Variants in ADGRL3 observed in about 807,000 individuals in gnomAD.
ADGRL3 encodes the protein adhesion G protein-coupled receptor L3.
In ADGRL3, 62 loss-of-function variants were observed where a neutral mutation model predicts 153.5. The observed-to-expected ratio is 0.40, with a 90% confidence interval of 0.33 to 0.50. The LOEUF (loss-of-function observed/expected upper bound fraction) is 0.50, where lower values mean the gene tolerates loss of function less well. Ranked by LOEUF, ADGRL3 falls within the 20% of genes least tolerant of loss-of-function variation. The pLI is 0.47. For synonymous variants in ADGRL3, 710 were observed against 672.5 expected, an observed-to-expected ratio of 1.06 and a Z score of -0.86; for missense variants, 1,641 against 1,859.4, an observed-to-expected ratio of 0.88 and a Z score of 2.16.
intron 8 of ADGRL3, chr4:61,775,636 T>G: frequency 6.8e-7 from 1 of 1,465,428 alleles, no homozygotes; most frequent in Non-Finnish European, 9.4e-7. Flanking sequence ...GATTTGGTGT[T>G]CAGCACAAAG....
At chr4:61,421,754 A>T (rs2097210046) in intron 2 of ADGRL3, among the ~76,000 whole-genome samples, 1 of 152,174 alleles carries the variant, frequency 6.6e-6, no homozygotes, top group Admixed American at 6.5e-5. Flanking sequence ...GGACTTTAGT[A>T]AAGTATTGTA....
At chr4:61,623,885 GA>G (rs2092681857) in intron 5 of ADGRL3, among the ~76,000 whole-genome samples, 1 of 152,104 alleles carries the variant, frequency 6.6e-6, no homozygotes, top group Non-Finnish European at 1.5e-5. Context: ...AACATGAACT[GA>G]AACCAAGGAG....
At chr4:61,742,250 T>A (rs1430008891) in intron 8 of ADGRL3, among the ~76,000 whole-genome samples, 1 of 152,040 alleles carries the variant, frequency 6.6e-6, no homozygotes, top group Non-Finnish European at 1.5e-5. Flanking sequence ...TTTAACCTTT[T>A]ATTATTATTA....
chr4:61,392,254 G>A (rs974639860), intron 2 of ADGRL3, among the ~76,000 whole-genome samples: 1 of 151,936 alleles, frequency 6.6e-6, no homozygotes, highest in Non-Finnish European at 1.5e-5. Flanking sequence ...CGTAGATGAT[G>A]CCAAAACAAT....
intron 2 of ADGRL3, among the ~76,000 whole-genome samples, chr4:61,400,763 A>G (rs1252972648): frequency 6.6e-6 from 1 of 151,566 alleles, no homozygotes; most frequent in Non-Finnish European, 1.5e-5. Context: ...CTTTGATTAA[A>G]AGAAAGTAAA....
intron 8 of ADGRL3, among the ~76,000 whole-genome samples, chr4:61,734,934 G>A (rs1189199059): frequency 1.3e-5 from 2 of 152,184 alleles, no homozygotes; most frequent in African/African-American, 2.4e-5. Flanking sequence ...ATAGTGAAGT[G>A]CACAAAACCT....
intron 4 of ADGRL3, among the ~76,000 whole-genome samples, chr4:61,571,562 G>A (rs2149137739): frequency 1.3e-5 from 2 of 152,082 alleles, no homozygotes. Context: ...AGTTTGGGCT[G>A]CATGGAGGCA....
At chr4:61,760,924 G>A (rs2096905120) in intron 8 of ADGRL3, among the ~76,000 whole-genome samples, 1 of 152,186 alleles carries the variant, frequency 6.6e-6, no homozygotes. Context: ...AAGCATTTGG[G>A]TGTCAGAGTT....
intron 4 of ADGRL3, among the ~76,000 whole-genome samples, chr4:61,580,123 A>G (rs561415230): frequency 2.6e-5 from 4 of 152,258 alleles, no homozygotes; most frequent in Admixed American, 2.6e-4. Flanking sequence ...TGTTTTTCAA[A>G]GGCATTGCCA....
intron 25 of ADGRL3, chr4:62,063,590 G>A (rs777090944): frequency 7.2e-4 from 501 of 698,502 alleles, no homozygotes; most frequent in Non-Finnish European, 1.2e-3. Flanking sequence ...TTGGGGAACC[G>A]GCGGTCTGTA....
chr4:61,888,112 TAAG>T (rs1475435904), intron 9 of ADGRL3, among the ~76,000 whole-genome samples: 1 of 152,200 alleles, frequency 6.6e-6, no homozygotes, highest in African/African-American at 2.4e-5. Context: ...GGTAAAATGC[TAAG>T]AAGGAGTTTT....
intron 4 of ADGRL3, among the ~76,000 whole-genome samples, chr4:61,571,135 A>G (rs2098836825): frequency 6.6e-6 from 1 of 151,904 alleles, no homozygotes; most frequent in Non-Finnish European, 1.5e-5. Context: ...TTATATAGAA[A>G]TGGAGACCAT....
intron 1 of ADGRL3, among the ~76,000 whole-genome samples, chr4:61,291,924 A>G (rs887870780): frequency 1.4e-5 from 2 of 148,068 alleles, no homozygotes; most frequent in East Asian, 4.0e-4. Flanking sequence ...GATAATTTTT[A>G]CAGGCTGATG....
At chr4:61,300,157 G>A (rs1281107276) in intron 1 of ADGRL3, among the ~76,000 whole-genome samples, 1 of 152,156 alleles carries the variant, frequency 6.6e-6, no homozygotes, top group African/African-American at 2.4e-5. Context: ...TATAATGCCA[G>A]TATCTTATCT....
chr4:61,839,510 C>T (rs937479135), intron 9 of ADGRL3, among the ~76,000 whole-genome samples: 13 of 151,356 alleles, frequency 8.6e-5, no homozygotes, highest in Non-Finnish European at 2.9e-5. Context: ...GATTCTTAAA[C>T]TAAGAGGAAA....
chr4:61,517,515 C>G lies in ADGRL3; in HGVS notation c.256C>G (p.Gln86Glu), dbSNP rs1292146090. The G allele has an allele frequency of 1.1e-5, 8 of 706,418 alleles. No individual in the cohort carries two copies. In the Admixed American group the frequency reaches 1.2e-4, roughly 11 times the overall value. 43.8% of individuals were successfully genotyped at this position (706,418 alleles called of 1,614,324 possible). ...TGCCCAAGGAGCACAGATTGCAGCG[C>G]AAGGTGCGGCCAGCGGTGGGGAGAG... The part of the protein sequence containing the change: ...PGAQGAQIAA[Q>E]AFSRAPIPMA... The change falls in exon 4 of 27, where the codon CAA becomes GAA. Residue 86 changes from glutamine (Q) to glutamate (E), a missense_variant. Coordinates refer to ENST00000683033, the MANE Select transcript of ADGRL3 (RefSeq NM_001387552.1).
intron 9 of ADGRL3, among the ~76,000 whole-genome samples, chr4:61,882,297 C>A (rs2098513196): frequency 6.6e-6 from 1 of 152,170 alleles, no homozygotes. Flanking sequence ...CTACCATGTG[C>A]CAGTGAGTAT....
intron 2 of ADGRL3, among the ~76,000 whole-genome samples, chr4:61,466,826 TA>T (rs1384410429): frequency 6.6e-6 from 1 of 152,172 alleles, no homozygotes; most frequent in Non-Finnish European, 1.5e-5. Context: ...CAGCTTTGGT[TA>T]TTTTAGACAA....
At chr4:62,022,999 G>C (rs973431145) in intron 21 of ADGRL3, among the ~76,000 whole-genome samples, 4 of 149,328 alleles carry the variant, frequency 2.7e-5, no homozygotes, top group African/African-American at 9.8e-5. Flanking sequence ...AGTTGCCATA[G>C]ATAGTGGTTC....
Sources: allele counts gnomAD v4.1 joint callset (sites outside exome capture counted in the v4.1 genomes callset), GRCh38; gene constraint gnomAD v4.1.1; transcripts MANE v1.5; gene names NCBI Gene and HGNC (gene_info 2026-07-23, HGNC 2026-07-21).